The following GRIK1 variants were observed in gnomAD, a reference collection of about 807,000 sequenced individuals.
GRIK1 encodes glutamate receptor ionotropic, kainate 1.
Under a neutral mutation model 105.7 loss-of-function variants are expected in GRIK1, and 69 were observed. The ratio of observed to expected loss-of-function variants is 0.65; its 90% CI spans 0.54 to 0.80. The LOEUF is 0.80. Ranked by LOEUF, GRIK1 falls within the 30% of genes least tolerant of loss-of-function variation. GRIK1 has a pLI of 0.00. For synonymous variants in GRIK1, 438 were observed against 431.3 expected (o/e 1.02, Z -0.19); for missense variants, 1,109 against 1,167.3 (o/e 0.95, Z 0.73).
intron 3 of GRIK1, among the ~76,000 whole-genome samples, chr21:29,676,037 C>T (rs1468329112): frequency 2.6e-5 from 4 of 152,124 alleles, no homozygotes; most frequent in Admixed American, 1.3e-4. Flanking sequence ...CACACTAGGC[C>T]GTTAATAAAC....
chr21:29,570,672 T>C (rs2090723314), intron 14 of GRIK1, among the ~76,000 whole-genome samples: 1 of 152,146 alleles, frequency 6.6e-6, no homozygotes, highest in South Asian at 2.1e-4. Context: ...ATGTTCTGCC[T>C]CCCTTTAACC....
chr21:29,847,547 T>C (rs772828869), intron 1 of GRIK1, among the ~76,000 whole-genome samples: 2 of 152,268 alleles, frequency 1.3e-5, no homozygotes, highest in African/African-American at 2.4e-5. Flanking sequence ...TGAGCCAAGA[T>C]TGGGCCATTG....
chr21:29,889,475 G>A (rs894595206), intron 1 of GRIK1, among the ~76,000 whole-genome samples: 30 of 151,604 alleles, frequency 2.0e-4, no homozygotes, highest in African/African-American at 2.9e-4. Context: ...AACATTTTGC[G>A]TTTCAATTTT....
chr21:29,606,318 G>T (rs966733261), intron 7 of GRIK1, among the ~76,000 whole-genome samples: 1 of 151,930 alleles, frequency 6.6e-6, no homozygotes, highest in Non-Finnish European at 1.5e-5. Context: ...GGGTGCATGC[G>T]CAGGATATGC....
chr21:29,642,168 C>T (rs2062523684), intron 7 of GRIK1, among the ~76,000 whole-genome samples: 1 of 152,110 alleles, frequency 6.6e-6, no homozygotes, highest in Non-Finnish European at 1.5e-5. Context: ...GATAAGGAGT[C>T]ACGGGGCTTA....
chr21:29,877,328 C>A (rs947430936), intron 1 of GRIK1, among the ~76,000 whole-genome samples: 1 of 151,966 alleles, frequency 6.6e-6, no homozygotes, highest in Non-Finnish European at 1.5e-5. Context: ...TGCAGAGTGG[C>A]CTTTGGAGGA....
At position 29,587,964 on chromosome 21, in the gene GRIK1, C is replaced by CTTTTTTTTTTTTTT. The variant is rs568648777; in HGVS notation, c.1570-389_1570-376dup. 4.2e-3 allele frequency among the ~76,000 whole-genome samples: 275 copies of CTTTTTTTTTTTTTT among 65,414 alleles called. 38 individuals are homozygous for CTTTTTTTTTTTTTT. Among genetic ancestry groups the CTTTTTTTTTTTTTT allele is most frequent in the East Asian group, 7.8e-3 (13 of 1,668 alleles). 42.9% of individuals were successfully genotyped at this position (65,414 alleles called of 152,430 possible). A position where few individuals can be genotyped will look rare whatever the true frequency, so the allele number is the denominator to read the frequency against. On this transcript the variant is annotated intron_variant, in intron 11 of 17. Transcript: ENST00000327783. Reference sequence around the variant, plus strand: ...GCTCTGAGCTGAAAACTTTAAAATTCTTTTTTTTTTTTTTTTTTTTTTTTT... The same window carrying CTTTTTTTTTTTTTT: ...GCTCTGAGCTGAAAACTTTAAAATTCTTTTTTTTTTTTTTTTTTTTTTTTTTTTTTTTTTTTTTT...
chr21:29,587,502 T>C lies in GRIK1; in HGVS notation c.1657A>G (p.Ile553Val), dbSNP rs759875217. ...TTGGGCTTCCGGTAGAGAATGCTGATGCCTAGGGTCATGAAGGGTTTGGAG... is the reference window on the plus strand; with the variant it reads ...TTGGGCTTCCGGTAGAGAATGCTGACGCCTAGGGTCATGAAGGGTTTGGAG... ...DFSKPFMTLGISILYRKPNGT... is the reference protein window; with the variant it reads ...DFSKPFMTLGVSILYRKPNGT... Residue 553 changes from isoleucine (I) to valine (V), a missense_variant, in exon 12 of 18, where the codon ATC becomes GTC. By Grantham distance (29) the Ile-to-Val change is conservative. Around this residue, in one of 5 missense-constraint regions of GRIK1, gnomAD observed 264 missense variants for 306.9 expected, o/e 0.86. Coordinates refer to ENST00000327783, the MANE Select transcript of GRIK1 (RefSeq NM_001330994.2). 1.2e-6 allele frequency: 2 copies of C among 1,613,382 alleles called. No homozygotes were observed. Among genetic ancestry groups the C allele is most frequent in the Non-Finnish European group, 1.7e-6 (2 of 1,179,316 alleles).
chr21:29,754,961 T>G (rs1030711702), intron 1 of GRIK1, among the ~76,000 whole-genome samples: 2 of 152,218 alleles, frequency 1.3e-5, no homozygotes, highest in Non-Finnish European at 2.9e-5. Flanking sequence ...TCTAAATCTA[T>G]CTAGCTAGCT....
chr21:29,776,273 T>C (rs1461605692), intron 1 of GRIK1, among the ~76,000 whole-genome samples: 1 of 152,236 alleles, frequency 6.6e-6, no homozygotes, highest in Admixed American at 6.5e-5. Flanking sequence ...ATTTACCTTT[T>C]TATTCTTTAC....
intron 2 of GRIK1, among the ~76,000 whole-genome samples, chr21:29,693,367 A>C (rs2146729575): frequency 6.6e-6 from 1 of 152,342 alleles, no homozygotes; most frequent in Middle Eastern, 3.4e-3. Context: ...TCAGAAGAAA[A>C]AGAGGATCGG....
intron 1 of GRIK1, chr21:29,749,000 CA>C (rs1431124909): frequency 1.9e-4 from 29 of 152,314 alleles, no homozygotes; most frequent in Admixed American, 1.6e-3. Flanking sequence ...TTTCCAGCAA[CA>C]GCGTGTCCCT....
At chr21:29,775,869 T>C (rs769425556) in intron 1 of GRIK1, among the ~76,000 whole-genome samples, 1 of 152,214 alleles carries the variant, frequency 6.6e-6, no homozygotes, top group Non-Finnish European at 1.5e-5. Flanking sequence ...GTTTTATACT[T>C]ACTTTGTATT....
intron 16 of GRIK1, among the ~76,000 whole-genome samples, chr21:29,547,731 T>C (rs539215590): frequency 2.0e-5 from 3 of 152,344 alleles, no homozygotes; most frequent in Admixed American, 2.0e-4. Flanking sequence ...TAATAATTAA[T>C]GAATGTTTGA....
chr21:29,570,626 C>T (rs1352147327), intron 14 of GRIK1, among the ~76,000 whole-genome samples: 1 of 152,130 alleles, frequency 6.6e-6, no homozygotes, highest in Non-Finnish European at 1.5e-5. Context: ...GAAGAATTTC[C>T]CAAAACATCT....
chr21:29,592,117 G>C (rs550194495), intron 9 of GRIK1, among the ~76,000 whole-genome samples: 26 of 152,288 alleles, frequency 1.7e-4, no homozygotes, highest in African/African-American at 6.3e-4. Flanking sequence ...TGCATGAGAA[G>C]TAGACTAAAT....
chr21:29,607,159 A>G (rs2061639801), intron 7 of GRIK1, among the ~76,000 whole-genome samples: 2 of 152,158 alleles, frequency 1.3e-5, no homozygotes, highest in Non-Finnish European at 2.9e-5. Context: ...CGTTCTCATC[A>G]TATGGTGATC....
intron 1 of GRIK1, among the ~76,000 whole-genome samples, chr21:29,934,917 A>G (rs1452229988): frequency 2.0e-5 from 3 of 152,128 alleles, no homozygotes; most frequent in Non-Finnish European, 2.9e-5. Context: ...CAACATGTTA[A>G]TATTAGTCAG....
chr21:29,567,638 T>C (rs1568826847), intron 14 of GRIK1, among the ~76,000 whole-genome samples: 1 of 152,186 alleles, frequency 6.6e-6, no homozygotes, highest in Non-Finnish European at 1.5e-5. Context: ...AGATCTCCAA[T>C]TTAATTTTAC....
Sources: gnomAD v4.1 joint callset for allele counts (sites outside exome capture counted in the v4.1 genomes callset) on GRCh38, gnomAD v4.1.1 for gene constraint, gnomAD v4.1.1 regional missense constraint, MANE v1.5 for transcripts, NCBI Gene and HGNC (gene_info 2026-07-23, HGNC 2026-07-21) for gene names.